Variants in NCAM2 observed in about 807,000 individuals in gnomAD.
NCAM2 encodes N-CAM-2.
In NCAM2, 30 loss-of-function variants were observed where a neutral mutation model predicts 98.1. The ratio of observed to expected loss-of-function variants is 0.31; its 90% CI spans 0.23 to 0.41. The LOEUF (loss-of-function observed/expected upper bound fraction) is 0.41. Among genes scored for constraint, NCAM2 ranks in the 10% least tolerant of loss-of-function variants. The probability of loss-of-function intolerance (pLI) is 1.00; values close to 1 mark genes in which losing one functional copy is unlikely to be tolerated. For synonymous variants in NCAM2, 368 were observed against 342.4 expected (o/e 1.07, Z -0.83); for missense variants, 867 against 1,005.8 (o/e 0.86, Z 1.87).
chr21:21,212,031 T>C (rs924386635), intron 1 of NCAM2, among the ~76,000 whole-genome samples: 2 of 152,172 alleles, frequency 1.3e-5, no homozygotes, highest in Admixed American at 1.3e-4. Flanking sequence ...CAAATACCCA[T>C]ATAACCCAAC....
chr21:21,041,515 C>A (rs550123709), intron 1 of NCAM2, among the ~76,000 whole-genome samples: 30 of 152,246 alleles, frequency 2.0e-4, no homozygotes, highest in African/African-American at 6.7e-4. Flanking sequence ...TAAACCATTA[C>A]CTCGTATAAG....
At chr21:21,411,482 A>G (rs1443370893) in intron 10 of NCAM2, among the ~76,000 whole-genome samples, 1 of 151,854 alleles carries the variant, frequency 6.6e-6, no homozygotes, top group Admixed American at 6.6e-5. Flanking sequence ...TTATTTTTAT[A>G]TTGCCAAGTA....
intron 2 of NCAM2, among the ~76,000 whole-genome samples, chr21:21,281,987 T>G (rs76717861): frequency 0.018 from 2,717 of 151,968 alleles, 90 homozygotes; most frequent in East Asian, 0.15. Context: ...TGATTCTTTA[T>G]ACATTTTCCT....
At chr21:21,061,294 C>G (rs1568980135) in intron 1 of NCAM2, among the ~76,000 whole-genome samples, 1 of 152,134 alleles carries the variant, frequency 6.6e-6, no homozygotes. Flanking sequence ...ATTGCTGGGG[C>G]TTGGCTTAAT....
At chr21:21,013,560 T>A (rs563871204) in intron 1 of NCAM2, among the ~76,000 whole-genome samples, 1 of 152,206 alleles carries the variant, frequency 6.6e-6, no homozygotes, top group East Asian at 1.9e-4. Context: ...AGTGGGCAGA[T>A]CATTTGAGGT....
intron 1 of NCAM2, among the ~76,000 whole-genome samples, chr21:21,153,944 A>G (rs1188855438): frequency 6.6e-6 from 1 of 151,902 alleles, no homozygotes; most frequent in Admixed American, 6.6e-5. Context: ...TTCAAAGTGT[A>G]TTCTTAATTT....
intron 10 of NCAM2, among the ~76,000 whole-genome samples, chr21:21,417,531 T>G (rs1348248356): frequency 6.6e-6 from 1 of 152,044 alleles, no homozygotes; most frequent in Non-Finnish European, 1.5e-5. Context: ...AGAGTTGAAA[T>G]TAACAGCAAC....
chr21:21,491,618 G>C (rs1330964692), intron 15 of NCAM2, among the ~76,000 whole-genome samples: 1 of 151,380 alleles, frequency 6.6e-6, no homozygotes, highest in Non-Finnish European at 1.5e-5. Context: ...TTTTCTTTTA[G>C]AGCAAAATGT....
At chr21:21,066,078 A>T (rs2146345008) in intron 1 of NCAM2, among the ~76,000 whole-genome samples, 1 of 152,262 alleles carries the variant, frequency 6.6e-6, no homozygotes, top group East Asian at 1.9e-4. Context: ...CAAATTGGAG[A>T]CACAAGGACG....
At chr21:21,014,979 G>T (rs1319718733) in intron 1 of NCAM2, among the ~76,000 whole-genome samples, 1 of 152,186 alleles carries the variant, frequency 6.6e-6, no homozygotes, top group African/African-American at 2.4e-5. Flanking sequence ...CTGCAGATCT[G>T]ATGGAAAGAG....
intron 8 of NCAM2, among the ~76,000 whole-genome samples, chr21:21,355,028 G>A (rs1368913553): frequency 6.6e-6 from 1 of 152,144 alleles, no homozygotes; most frequent in African/African-American, 2.4e-5. Context: ...TTGAGAAAAT[G>A]TGTCTTTCTG....
chr21:21,231,007 G>A (rs1436394862), intron 1 of NCAM2, among the ~76,000 whole-genome samples: 2 of 151,348 alleles, frequency 1.3e-5, no homozygotes, highest in African/African-American at 2.4e-5. Flanking sequence ...TTACTCCAGT[G>A]TGTGCTGGAT....
chr21:21,455,266 C>A (rs532966625), intron 12 of NCAM2, among the ~76,000 whole-genome samples: 2 of 148,372 alleles, frequency 1.3e-5, no homozygotes, highest in South Asian at 4.3e-4. Context: ...CTCAATACAG[C>A]CAGGATATCC....
chr21:21,250,705 C>T (rs2071438051), intron 1 of NCAM2, among the ~76,000 whole-genome samples: 2 of 152,112 alleles, frequency 1.3e-5, no homozygotes. Flanking sequence ...ACTAGTCACA[C>T]TATATCCACA....
chr21:21,355,015 T>G (rs2075433769), intron 8 of NCAM2, among the ~76,000 whole-genome samples: 1 of 152,206 alleles, frequency 6.6e-6, no homozygotes, highest in Non-Finnish European at 1.5e-5. Context: ...GATTTTGCAT[T>G]TATTGAGAAA....
intron 12 of NCAM2, among the ~76,000 whole-genome samples, chr21:21,449,456 G>T (rs1468413159): frequency 1.3e-5 from 2 of 151,800 alleles, no homozygotes; most frequent in Admixed American, 6.6e-5. Flanking sequence ...TATGATGTTT[G>T]CTAGAATGTA....
At position 21,526,034 on chromosome 21, in the gene NCAM2, C is replaced by A. The variant is rs1602561255; in HGVS notation, c.2283-8503C>A. ...AGGATATCTAAAAAACTACAACTTA[C>A]ATCATTTTTTACATCTTAGTGAGTA... On this transcript the variant is annotated intron_variant, in intron 16 of 17. Transcript: ENST00000400546. Among the ~76,000 whole-genome samples, 5 of 152,168 alleles carry A rather than the reference C, an allele frequency of 3.3e-5. No individual in the cohort carries two copies. In the South Asian group the frequency reaches 1.0e-3, roughly 32 times the overall value.
At chr21:21,225,935 C>T (rs966704875) in intron 1 of NCAM2, among the ~76,000 whole-genome samples, 5 of 151,922 alleles carry the variant, frequency 3.3e-5, no homozygotes, top group African/African-American at 1.2e-4. Flanking sequence ...CGGTGGCTAT[C>T]GATAGTGGTG....
chr21:21,315,809 C>T (rs1166601159), intron 5 of NCAM2, among the ~76,000 whole-genome samples: 1 of 152,108 alleles, frequency 6.6e-6, no homozygotes, highest in Non-Finnish European at 1.5e-5. Context: ...AATATGTCTG[C>T]TGCGATTTAC....
Sources: allele counts gnomAD v4.1 joint callset (sites outside exome capture counted in the v4.1 genomes callset), GRCh38; gene constraint gnomAD v4.1.1; transcripts MANE v1.5; gene names NCBI Gene and HGNC (gene_info 2026-07-23, HGNC 2026-07-21).